The following LSP1 variants were observed in gnomAD, a reference collection of about 807,000 sequenced individuals.
LSP1 encodes the protein lymphocyte-specific protein 1.
Under a neutral mutation model 49.3 loss-of-function variants are expected in LSP1, and 32 were observed. That is an observed-to-expected ratio of 0.65 (90% CI 0.49 to 0.87). The LOEUF (loss-of-function observed/expected upper bound fraction) is 0.87, where lower values mean the gene tolerates loss of function less well. Ranked by LOEUF, LSP1 falls within the 40% of genes least tolerant of loss-of-function variation. The pLI, the probability that LSP1 is intolerant of heterozygous loss-of-function variation, is 0.00. For synonymous variants in LSP1, 179 were observed against 178.8 expected, an observed-to-expected ratio of 1.00 and a Z score of -0.01; for missense variants, 428 against 442.6, an observed-to-expected ratio of 0.97 and a Z score of 0.30.
intron 1 of LSP1, among the ~76,000 whole-genome samples, chr11:1,877,427 C>T (rs1293185211): frequency 6.6e-6 from 1 of 152,146 alleles, no homozygotes; most frequent in Non-Finnish European, 1.5e-5. Flanking sequence ...GCTTACTCTG[C>T]ATCCCCTACT....
Position 1,883,420 on chromosome 11 carries a change from C to G in LSP1, c.358C>G (p.Pro120Ala). The G allele has an allele frequency of 6.2e-7, 1 of 1,614,020 alleles. No homozygotes were observed. Among genetic ancestry groups the G allele is most frequent in the Non-Finnish European group, 8.5e-7 (1 of 1,179,968 alleles). ...RSPEGEQEDRPGLHAYEKEDS... is the reference protein window; with the variant it reads ...RSPEGEQEDRAGLHAYEKEDS... ...CTTTGCCTCCCTTTCCACCCACAGG[C>G]CCGGCCTGCATGCCTACGAAAAGGA... The change falls in exon 4 of 11, where the codon CCC (proline) becomes GCC (alanine). Residue 120 changes from proline to alanine, a missense_variant and splice_region_variant. Pro to Ala is a conservative substitution (Grantham distance 27). Coordinates refer to ENST00000311604, the MANE Select transcript of LSP1 (RefSeq NM_002339.3).
intron 1 of LSP1, among the ~76,000 whole-genome samples, chr11:1,877,969 C>T (rs1848381757): frequency 6.6e-6 from 1 of 152,136 alleles, no homozygotes; most frequent in Non-Finnish European, 1.5e-5. Flanking sequence ...TCTGGGGTCT[C>T]TGCGCCAATG....
chr11:1,861,973 GAATA>G (rs1847651181), intron 1 of LSP1, among the ~76,000 whole-genome samples: 1 of 150,600 alleles, frequency 6.6e-6, no homozygotes, highest in African/African-American at 2.5e-5. Context: ...ATGGATGGAT[GAATA>G]GATGGATGGG....
chr11:1,864,837 G>A (rs2133066751), intron 1 of LSP1, among the ~76,000 whole-genome samples: 1 of 152,038 alleles, frequency 6.6e-6, no homozygotes, highest in South Asian at 2.1e-4. Context: ...CCCTGTGCCA[G>A]GTGCCAGAGG....
chr11:1,870,470 G>C (rs12421342), intron 1 of LSP1: 4 of 1,197,282 alleles, frequency 3.3e-6, no homozygotes, highest in Non-Finnish European at 3.2e-6. Context: ...TGAAAGCTTC[G>C]GGGAGGGGCC....
intron 1 of LSP1, chr11:1,864,124 GGACAGA>G (rs1197595367): frequency 1.0e-6 from 1 of 952,804 alleles, no homozygotes; most frequent in Non-Finnish European, 1.2e-6. Flanking sequence ...ACAGAGATAG[GGACAGA>G]GACACCAGAG....
intron 1 of LSP1, chr11:1,866,958 C>T: frequency 6.9e-7 from 1 of 1,452,304 alleles, no homozygotes; most frequent in Non-Finnish European, 9.1e-7. Flanking sequence ...TGGGCCCAGG[C>T]TCGGGGCCAG....
At chr11:1,878,155 A>T (rs1848389019) in intron 1 of LSP1, among the ~76,000 whole-genome samples, 2 of 152,074 alleles carry the variant, frequency 1.3e-5, no homozygotes, top group Non-Finnish European at 2.9e-5. Context: ...AGGGGCTGGG[A>T]CATGGGAACA....
At chr11:1,864,132 ACAC>A in intron 1 of LSP1, 1 of 970,354 alleles carries the variant, frequency 1.0e-6, no homozygotes, top group Non-Finnish European at 1.2e-6. Flanking sequence ...AGGGACAGAG[ACAC>A]CAGAGGGAAA....
At chr11:1,871,786 TG>T (rs1848022405) in intron 1 of LSP1, among the ~76,000 whole-genome samples, 3 of 139,386 alleles carry the variant, frequency 2.2e-5, no homozygotes. Context: ...CAGCCCGTGC[TG>T]GTAGAGTTGG....
At chr11:1,887,771 C>G (rs552099776) in intron 10 of LSP1, among the ~76,000 whole-genome samples, 195 bp downstream of exon 10, 61 of 152,222 alleles carry the variant, frequency 4.0e-4, no homozygotes, top group African/African-American at 1.2e-3. Context: ...CAGATTCAAA[C>G]TCTCTGCTCA....
At chr11:1,875,281 T>C (rs12802552) in intron 1 of LSP1, among the ~76,000 whole-genome samples, 125,292 of 152,168 alleles carry the variant, frequency 0.82, 51,743 homozygotes, top group East Asian at 0.94. Flanking sequence ...GTCCAGGCGC[T>C]GCCTCCTCCA....
intron 1 of LSP1, among the ~76,000 whole-genome samples, chr11:1,856,701 G>C (rs1234621838): frequency 1.3e-5 from 2 of 152,212 alleles, no homozygotes; most frequent in Non-Finnish European, 2.9e-5. Context: ...CAGCCCCCTG[G>C]AAGTCTTCAT....
intron 1 of LSP1, among the ~76,000 whole-genome samples, chr11:1,858,294 G>T (rs902765747): frequency 1.3e-5 from 2 of 152,178 alleles, no homozygotes; most frequent in African/African-American, 4.8e-5. Context: ...CCTTCCCGGG[G>T]TCTCTCTGAC....
chr11:1,872,068 T>C (rs1848043908), intron 1 of LSP1, among the ~76,000 whole-genome samples: 1 of 128,168 alleles, frequency 7.8e-6, no homozygotes, highest in African/African-American at 3.0e-5. Flanking sequence ...TGGTGCACGC[T>C]GGTAGAGTTG....
In LSP1 at chr11:1,886,991, C is replaced by T. The variant is rs189817265; in HGVS notation, c.852+125C>T. ...AGGATGAATGTGGGTATACAGAACC[C>T]TGAGGTATTGCAGTAGGGTTGGGTT... is the stretch of plus-strand genomic sequence containing the variant. On this transcript the variant is annotated intron_variant, in intron 8 of 10. Transcript: ENST00000311604. The T allele has an allele frequency of 4.6e-5, 58 of 1,258,546 alleles. No homozygotes were observed. In the East Asian group the frequency reaches 8.8e-4, roughly 19 times the overall value. The allele number at this position is 1,258,546 out of a possible 1,614,324, so 78.0% of individuals were successfully genotyped here.
At chr11:1,885,782 C>A (rs1373967522) in intron 7 of LSP1, among the ~76,000 whole-genome samples, 2 of 151,674 alleles carry the variant, frequency 1.3e-5, no homozygotes, top group Non-Finnish European at 2.9e-5. Flanking sequence ...TTCCTCCATC[C>A]AATCAGTGCT....
At chr11:1,866,423 C>A in intron 1 of LSP1, 3 of 1,436,098 alleles carry the variant, frequency 2.1e-6, no homozygotes, top group Admixed American at 2.8e-5. Flanking sequence ...GGCAGCCCGG[C>A]TCACCCCTCC....
At chr11:1,871,046 G>A (rs912682141) in intron 1 of LSP1, 4 of 985,508 alleles carry the variant, frequency 4.1e-6, no homozygotes, top group East Asian at 1.1e-4. Flanking sequence ...AGACGCATGC[G>A]AGGGTGAGAG....
Sources: gnomAD v4.1 joint callset for allele counts (sites outside exome capture counted in the v4.1 genomes callset) on GRCh38, gnomAD v4.1.1 for gene constraint, MANE v1.5 for transcripts, NCBI Gene and HGNC (gene_info 2026-07-23, HGNC 2026-07-21) for gene names.